Variants in ABHD2 observed in about 807,000 individuals in gnomAD.
ABHD2 encodes the protein abhydrolase domain containing 2, acylglycerol lipase, also known as monoacylglycerol lipase ABHD2.
ABHD2 carries 20 observed loss-of-function variants against 48.1 expected under a neutral mutation model. The ratio of observed to expected loss-of-function variants is 0.42; its 90% confidence interval spans 0.29 to 0.60. ABHD2 has a LOEUF of 0.60. Ranked by LOEUF, ABHD2 falls within the 20% of genes least tolerant of loss-of-function variation. ABHD2 has a pLI of 0.24. For synonymous variants in ABHD2, 209 were observed against 214.2 expected (o/e 0.98, Z 0.21); for missense variants, 405 against 550.9 (o/e 0.74, Z 2.65).
At position 89,094,604 on chromosome 15, in the gene ABHD2, A is replaced by T. The variant is rs1401980079; in HGVS notation, c.-107+6041A>T. ...GCGCCTGTAGTCCCAGCTACTTGGG[A>T]GACTGAGGCAGGAGAATCACTTGAA... is the stretch of plus-strand genomic sequence containing the variant. On this transcript the variant is annotated intron_variant, in intron 1 of 10. Coordinates refer to ENST00000352732, the MANE Select transcript of ABHD2 (RefSeq NM_152924.5). This position sits in a 1 kb window ranked among gnomAD's most constrained non-coding sequence, Gnocchi z 4.7. Among the ~76,000 whole-genome samples, 2 of 152,180 alleles carry T rather than the reference A, an allele frequency of 1.3e-5. No homozygotes were observed. Among genetic ancestry groups the T allele is most frequent in the African/African-American group, 4.8e-5 (2 of 41,534 alleles).
chr15:89,066,118 T>C, the ABHD2 span, among the ~76,000 whole-genome samples: 1 of 152,150 alleles, frequency 6.6e-6, no homozygotes, highest in Non-Finnish European at 1.5e-5. Context: ...GAGAAAGCTA[T>C]GCAATATTTA....
intron 4 of ABHD2, among the ~76,000 whole-genome samples, chr15:89,153,360 A>G (rs1338242343): frequency 6.6e-6 from 1 of 152,244 alleles, no homozygotes; most frequent in Non-Finnish European, 1.5e-5. Context: ...ATAGGTGAGG[A>G]GTTCACACTG....
At chr15:89,064,606 A>G in the ABHD2 span, among the ~76,000 whole-genome samples, 1 of 152,106 alleles carries the variant, frequency 6.6e-6, no homozygotes, top group Admixed American at 6.6e-5. Context: ...CACTTAATAT[A>G]TTCTAGACAT....
At chr15:89,127,724 T>C (rs371200201) in intron 3 of ABHD2, among the ~76,000 whole-genome samples, 1,694 of 70,718 alleles carry the variant, frequency 0.024, 22 homozygotes, top group South Asian at 0.052. Context: ...TATATACACA[T>C]ATATATATAT....
chr15:89,163,330 T>C (rs2050790313), intron 5 of ABHD2, among the ~76,000 whole-genome samples: 1 of 152,244 alleles, frequency 6.6e-6, no homozygotes, highest in Admixed American at 6.5e-5. Flanking sequence ...AATGGATAAT[T>C]AAGCATTCTT....
rs557761732 is a variant in ABHD2, at chr15:89,173,213, C to T, written c.539-2599C>T. Among the ~76,000 whole-genome samples, 3 of 152,314 alleles carry T rather than the reference C, an allele frequency of 2.0e-5. No homozygotes were observed. In the East Asian group the frequency reaches 5.8e-4, roughly 29 times the overall value. ...TGTTTGCACATCCCCTTTTTTATAT[C>T]ACAGCTACATTTTGAAATCCAGCAT... is the stretch of plus-strand genomic sequence containing the variant. On this transcript the variant is annotated intron_variant, in intron 5 of 10. Transcript: ENST00000352732. The surrounding 1 kb of genome is among the most constrained non-coding windows in gnomAD (Gnocchi z 6.5).
intron 3 of ABHD2, chr15:89,136,084 G>C (rs1162048174): frequency 5.1e-6 from 1 of 196,874 alleles, no homozygotes; most frequent in African/African-American, 2.5e-5. Flanking sequence ...CCGCCACCAT[G>C]CCTGGCAATT....
chr15:89,042,831 T>TC, the ABHD2 span, among the ~76,000 whole-genome samples: 2 of 151,720 alleles, frequency 1.3e-5, no homozygotes, highest in Non-Finnish European at 2.9e-5. Context: ...TTTCTTTTTT[T>TC]CTTTTTTTGC....
chr15:89,161,659 C>T (rs956142326), intron 5 of ABHD2, among the ~76,000 whole-genome samples: 1 of 152,172 alleles, frequency 6.6e-6, no homozygotes, highest in African/African-American at 2.4e-5. Context: ...CCTCGGCCTC[C>T]CAAAGTGCTG....
the ABHD2 span, among the ~76,000 whole-genome samples, chr15:89,051,867 A>C: frequency 2.6e-5 from 4 of 152,160 alleles, no homozygotes; most frequent in African/African-American, 9.7e-5. Flanking sequence ...ACAAACTAAT[A>C]GAGGTACCAT....
intron 1 of ABHD2, among the ~76,000 whole-genome samples, chr15:89,101,405 G>A (rs185285484): frequency 2.2e-4 from 33 of 152,322 alleles, no homozygotes; most frequent in Admixed American, 1.8e-3. Context: ...CTCTCCTGAT[G>A]TACAGTGGCG....
chr15:89,079,687 G>A, the ABHD2 span, among the ~76,000 whole-genome samples: 19 of 152,266 alleles, frequency 1.2e-4, no homozygotes, highest in East Asian at 2.1e-3. The surrounding 1 kb of genome is among the most constrained non-coding windows in gnomAD (Gnocchi z 4.3). Context: ...ATGGGGATGC[G>A]GCAAATTAAT....
At chr15:89,110,896 G>A (rs549641117) in intron 1 of ABHD2, among the ~76,000 whole-genome samples, 2 of 152,234 alleles carry the variant, frequency 1.3e-5, no homozygotes, top group Admixed American at 6.5e-5. Flanking sequence ...ATCACTCAAG[G>A]TCCCCTTACA....
At chr15:89,131,391 C>A (rs1020483520) in intron 3 of ABHD2, among the ~76,000 whole-genome samples, 1 of 152,222 alleles carries the variant, frequency 6.6e-6, no homozygotes, top group Non-Finnish European at 1.5e-5. Flanking sequence ...CTGATGAATG[C>A]TTTCTGGACA....
At chr15:89,057,712 G>T in the ABHD2 span, among the ~76,000 whole-genome samples, 1 of 151,864 alleles carries the variant, frequency 6.6e-6, no homozygotes, top group Non-Finnish European at 1.5e-5. Context: ...TCTCCAACTG[G>T]GGCCATCTAT....
In ABHD2 at chr15:89,196,181, C is replaced by T. The variant is rs913852916; in HGVS notation, c.*758C>T. The T allele has an allele frequency of 1.4e-4, 21 of 152,244 alleles. No individual in the cohort carries two copies. In the East Asian group the frequency reaches 4.0e-3, roughly 29 times the overall value. The allele number at this position is 152,244 out of a possible 1,614,324, so 9.4% of individuals were successfully genotyped here. The stretch of plus-strand genomic sequence containing the variant: ...AAATTTTGGAAATGCTGTTCAACAG[C>T]GCCCTTAAATTGGAAACATCTTTGC... On this transcript the variant is annotated 3_prime_UTR_variant, in exon 11 of 11. Transcript: ENST00000352732.
intron 5 of ABHD2, among the ~76,000 whole-genome samples, chr15:89,163,320 A>C (rs1483345044): frequency 6.6e-6 from 1 of 152,234 alleles, no homozygotes; most frequent in Non-Finnish European, 1.5e-5. Flanking sequence ...GAATTTCCTA[A>C]ATGGATAATT....
the ABHD2 span, among the ~76,000 whole-genome samples, chr15:89,048,214 T>C: frequency 2.6e-5 from 4 of 151,748 alleles, no homozygotes; most frequent in Non-Finnish European, 5.9e-5. Flanking sequence ...TTTAAGAATG[T>C]TGAATATTGG....
At chr15:89,101,232 G>A (rs2049695986) in intron 1 of ABHD2, among the ~76,000 whole-genome samples, 1 of 152,172 alleles carries the variant, frequency 6.6e-6, no homozygotes, top group Non-Finnish European at 1.5e-5. Context: ...ATGTTCTTGA[G>A]ACAAATGGGG....
Sources: gnomAD v4.1 joint callset for allele counts (sites outside exome capture counted in the v4.1 genomes callset) on GRCh38, gnomAD v4.1.1 for gene constraint, Gnocchi (gnomAD v3.1) non-coding constraint, MANE v1.5 for transcripts, NCBI Gene and HGNC (gene_info 2026-07-23, HGNC 2026-07-21) for gene names.